PIGZ: variants seen among roughly 807,000 people sequenced by gnomAD.
PIGZ encodes the protein GPI alpha-1,2-mannosyltransferase 4.
In PIGZ, 16 loss-of-function variants were observed where a neutral mutation model predicts 16.4. That is an observed-to-expected ratio of 0.97 (90% CI 0.66 to 1.48). The LOEUF (loss-of-function observed/expected upper bound fraction) is 1.48, where lower values mean the gene tolerates loss of function less well. PIGZ is among the 40% of genes most tolerant of loss of function. The pLI is 0.00. For missense variants in PIGZ, 770 were observed against 739.2 expected (o/e 1.04, Z -0.48); for synonymous variants, 409 against 338.4 (o/e 1.21, Z -2.29).
Position 196,952,021 on chromosome 3 carries a change from C to T in PIGZ, c.11G>A (p.Cys4Tyr), listed in dbSNP as rs1421659739. ...TGCTACAGATGCTACGCTGGATCCACAGATCTGCATCTGTTGAGGATAACA... is the reference window on the plus strand; with the variant it reads ...TGCTACAGATGCTACGCTGGATCCATAGATCTGCATCTGTTGAGGATAACA... MQI[C>Y]GSSVASVAAG... is the part of the protein sequence containing the mutation. The change falls in exon 2 of 3, where the codon TGT (cysteine) becomes TAT (tyrosine). Residue 4 changes from cysteine to tyrosine, a missense_variant. Coordinates refer to ENST00000412723, the MANE Select transcript of PIGZ (RefSeq NM_025163.4). 3.1e-6 allele frequency: 5 copies of T among 1,613,758 alleles called. No homozygotes were observed. Among genetic ancestry groups the T allele is most frequent in the East Asian group, 2.2e-5 (1 of 44,900 alleles).
Position 196,946,803 on chromosome 3 carries a change from T to C in PIGZ, c.*354A>G, listed in dbSNP as rs144069119. ...TCATGGGAGGTTTGGGAGAGGTCAT[T>C]GAGGAATGTCACTAGCAGTTCATTG... On this transcript the variant is annotated 3_prime_UTR_variant, in exon 3 of 3. Coordinates refer to ENST00000412723, the MANE Select transcript of PIGZ (RefSeq NM_025163.4). 7 of 200,168 alleles carry C rather than the reference T, an allele frequency of 3.5e-5. No homozygotes were observed. In the Middle Eastern group the frequency reaches 5.9e-3, roughly 168 times the overall value. The allele number at this position is 200,168 out of a possible 1,614,324, so 12.4% of individuals were successfully genotyped here. A position where few individuals can be genotyped will look rare whatever the true frequency, so the allele number is the denominator to read the frequency against.
intron 2 of PIGZ, 171 bp downstream of exon 2, chr3:196,951,650 A>C (rs1717287100): frequency 1.5e-6 from 1 of 646,290 alleles, no homozygotes; most frequent in Admixed American, 2.5e-5. Flanking sequence ...CGGGAAGGAG[A>C]TATGAAGTCC....
At chr3:196,954,522 T>G (rs956440444) in intron 1 of PIGZ, among the ~76,000 whole-genome samples, 1 of 152,232 alleles carries the variant, frequency 6.6e-6, no homozygotes, top group Non-Finnish European at 1.5e-5. Flanking sequence ...CTTTTGCCCT[T>G]GTTTTTAATT....
chr3:196,947,495 G>T lies in PIGZ; in HGVS notation c.1402C>A (p.Pro468Thr), dbSNP rs776159926. Residue 468 changes from proline to threonine, a missense_variant, in exon 3 of 3, where the codon CCC becomes ACC. Transcript: ENST00000412723. Reference protein sequence around the residue: ...YTLLFTHTYMPPRHLLHLPGL... With the variant: ...YTLLFTHTYMTPRHLLHLPGL... ...GGGAGGTGTAGGAGGTGCCGGGGGG[G>T]CATGTAGGTGTGAGTGAAGAGGAGT... The T allele has an allele frequency of 3.1e-6, 5 of 1,613,666 alleles. No individual in the cohort carries two copies. The highest frequency in any genetic ancestry group is 2.2e-5 in the South Asian group (2 of 91,084).
chr3:196,959,007 G>A (rs955255021), intron 1 of PIGZ, among the ~76,000 whole-genome samples: 3 of 152,242 alleles, frequency 2.0e-5, no homozygotes, highest in Non-Finnish European at 4.4e-5. Flanking sequence ...TCTGCTGAGG[G>A]TGAGTGGGAA....
At chr3:196,955,572 C>CTTTTTTTTTT (rs1717448927) in intron 1 of PIGZ, among the ~76,000 whole-genome samples, 1 of 43,598 alleles carries the variant, frequency 2.3e-5, no homozygotes, top group Admixed American at 2.9e-4. Flanking sequence ...TCTTTTCTTT[C>CTTTTTTTTTT]TTTCTTTTTT....
rs760414950 is a variant in PIGZ at position 196,948,411 on chromosome 3, C to T, written c.486G>A (p.Leu162=). Reference sequence around the variant, plus strand: ...AGACCAGGGTGACGTAGGAACCAGACAGCAGGGCCAGGGCGTTCCAGCGAT... The same window carrying T: ...AGACCAGGGTGACGTAGGAACCAGATAGCAGGGCCAGGGCGTTCCAGCGAT... ...GADRWNALAL[L]SGSYVTLVFY... The change falls in exon 3 of 3, where the codon CTG becomes CTA. Residue 162 remains leucine (L), a synonymous_variant. Coordinates refer to ENST00000412723, the MANE Select transcript of PIGZ (RefSeq NM_025163.4). 1.9e-6 allele frequency: 3 copies of T among 1,614,156 alleles called. No homozygotes were observed. The highest frequency in any genetic ancestry group is 2.5e-6 in the Non-Finnish European group (3 of 1,180,020).
In PIGZ at chr3:196,948,270, T is replaced by A; in HGVS notation, c.627A>T (p.Pro209=). The A allele has an allele frequency of 6.2e-7, 1 of 1,614,142 alleles. No individual in the cohort carries two copies. The highest frequency in any genetic ancestry group is 1.1e-5 in the South Asian group (1 of 91,082). The change falls in exon 3 of 3, where the codon CCA becomes CCT. Residue 209 remains proline, a synonymous_variant. Transcript: ENST00000412723. ...CTCCAAGAAGCCAGCTGCGCCACCG[T>A]GGACCCGGCGCCGGCTCCTTGCGTG... is the stretch of plus-strand genomic sequence containing the variant. The part of the protein sequence containing the change: ...GPTRKEPAPG[P]RWRSWLLGGI...
chr3:196,962,610 C>T (rs1717762844), intron 1 of PIGZ, among the ~76,000 whole-genome samples: 1 of 151,212 alleles, frequency 6.6e-6, no homozygotes, highest in Non-Finnish European at 1.5e-5. Flanking sequence ...TAGGAGAAAA[C>T]CGCCCTATGG....
chr3:196,956,912 C>T (rs144740192), intron 1 of PIGZ, among the ~76,000 whole-genome samples: 342 of 152,290 alleles, frequency 2.2e-3, no homozygotes, highest in Non-Finnish European at 4.1e-3. Context: ...ACTCCAGCAT[C>T]TAAAGTCTGG....
Position 196,947,542 on chromosome 3 carries a change from G to T in PIGZ, c.1355C>A (p.Pro452Gln), listed in dbSNP as rs200360047. 1.2e-6 allele frequency: 2 copies of T among 1,613,726 alleles called. No individual in the cohort carries two copies. The highest frequency in any genetic ancestry group is 1.3e-5 in the African/African-American group (1 of 75,064). ...LEQVVHAPVL[P>Q]STPTHYTLLF... is the part of the protein sequence containing the mutation. ...GAGTGTGTAGTGGGTGGGTGTGCTT[G>T]GGAGCACAGGGGCATGGACCACCTG... Residue 452 changes from proline to glutamine, a missense_variant, in exon 3 of 3, where the codon CCA (proline) becomes CAA (glutamine). Physicochemically the swap from Pro to Gln is moderately conservative, Grantham distance 76. Transcript: ENST00000412723.
chr3:196,949,229 C>G (rs528401320), intron 2 of PIGZ, among the ~76,000 whole-genome samples: 1 of 151,796 alleles, frequency 6.6e-6, no homozygotes, highest in Non-Finnish European at 1.5e-5. Context: ...GCACCTGGCC[C>G]GCAGGATGGA....
At chr3:196,951,281 A>C (rs938107895) in intron 2 of PIGZ, among the ~76,000 whole-genome samples, 3 of 152,180 alleles carry the variant, frequency 2.0e-5, no homozygotes, top group Non-Finnish European at 4.4e-5. Context: ...TTGAACTATG[A>C]GGATGACCCC....
chr3:196,967,870 C>A (rs1268847339), intron 1 of PIGZ, among the ~76,000 whole-genome samples: 1 of 152,240 alleles, frequency 6.6e-6, no homozygotes, highest in East Asian at 1.9e-4. Flanking sequence ...TAACCACCCG[C>A]GACCTTGCAG....
At chr3:196,953,748 C>T (rs1301704799) in intron 1 of PIGZ, among the ~76,000 whole-genome samples, 1 of 152,196 alleles carries the variant, frequency 6.6e-6, no homozygotes, top group Non-Finnish European at 1.5e-5. Flanking sequence ...CACCTATAAT[C>T]CCAGAACTTT....
At chr3:196,964,620 G>A (rs922701011) in intron 1 of PIGZ, among the ~76,000 whole-genome samples, 4 of 152,168 alleles carry the variant, frequency 2.6e-5, no homozygotes, top group African/African-American at 9.7e-5. Context: ...CTCCCAAAGT[G>A]CTGGGATTAC....
At position 196,965,031 on chromosome 3, in the gene PIGZ, A is replaced by T. The variant is rs529574123; in HGVS notation, c.-1+3656T>A. ...CCTGCTTCAAACACAGGGCAGCCCA[A>T]AAGAACTCATCACCTTCCCTGGAAT... is the stretch of plus-strand genomic sequence containing the variant. On this transcript the variant is annotated intron_variant, in intron 1 of 2. Transcript: ENST00000412723. This position sits in a 1 kb window ranked among gnomAD's most constrained non-coding sequence, Gnocchi z 4.2. Among the ~76,000 whole-genome samples, 92 of 152,278 alleles carry T rather than the reference A, an allele frequency of 6.0e-4. No homozygotes were observed. Among genetic ancestry groups the T allele is most frequent in the Non-Finnish European group, 8.4e-4 (57 of 68,016 alleles).
rs1716880957 is a variant in PIGZ at position 196,946,474 on chromosome 3, T to A, written c.*683A>T. The A allele has an allele frequency of 6.6e-6, 1 of 152,214 alleles. No individual in the cohort carries two copies. Among genetic ancestry groups the A allele is most frequent in the South Asian group, 2.1e-4 (1 of 4,830 alleles). The allele number at this position is 152,214 out of a possible 1,614,324, so 9.4% of individuals were successfully genotyped here. A position where few individuals can be genotyped will look rare whatever the true frequency, so the allele number is the denominator to read the frequency against. On this transcript the variant is annotated 3_prime_UTR_variant, in exon 3 of 3. Coordinates refer to ENST00000412723, the MANE Select transcript of PIGZ (RefSeq NM_025163.4). Reference sequence around the variant, plus strand: ...CTCCCACTTCCATGCTTGAAGAGCTTTGTGAGAGCTGTGCCTGTTGAGGCA... The same window carrying A: ...CTCCCACTTCCATGCTTGAAGAGCTATGTGAGAGCTGTGCCTGTTGAGGCA...
chr3:196,948,642 G>A lies in PIGZ; in HGVS notation c.255C>T (p.Tyr85=), dbSNP rs1717057954. The A allele has an allele frequency of 6.1e-6, 9 of 1,484,018 alleles. No homozygotes were observed. The highest frequency in any genetic ancestry group is 8.0e-6 in the Non-Finnish European group (9 of 1,120,736). The allele number at this position is 1,484,018 out of a possible 1,614,324, so 91.9% of individuals were successfully genotyped here. A position where few individuals can be genotyped will look rare whatever the true frequency, so the allele number is the denominator to read the frequency against. The change falls in exon 3 of 3, where the codon TAC becomes TAT. Residue 85 remains tyrosine, a synonymous_variant. Coordinates refer to ENST00000412723, the MANE Select transcript of PIGZ (RefSeq NM_025163.4). The part of the protein sequence containing the change: ...GVQAARPWEF[Y]PSSSCRSVLF... Reference sequence around the variant, plus strand: ...GCACCGAGCGGCAGGAGCTGCTGGGGTAAAACTCCCAGGGCCGCGCGGCCT... The same window carrying A: ...GCACCGAGCGGCAGGAGCTGCTGGGATAAAACTCCCAGGGCCGCGCGGCCT...
Sources: allele counts gnomAD v4.1 joint callset (sites outside exome capture counted in the v4.1 genomes callset), GRCh38; gene constraint gnomAD v4.1.1; non-coding constraint Gnocchi (gnomAD v3.1); transcripts MANE v1.5; gene names NCBI Gene and HGNC (gene_info 2026-07-23, HGNC 2026-07-21).